BCAS3: variants seen among roughly 807,000 people sequenced by gnomAD.
BCAS3 encodes the protein BCAS4/BCAS3 fusion.
A neutral mutation model predicts 116.1 loss-of-function variants in BCAS3; 53 were observed. The ratio of observed to expected loss-of-function variants is 0.46; its 90% CI spans 0.37 to 0.57. The LOEUF (loss-of-function observed/expected upper bound fraction) is 0.57. Ranked by LOEUF, BCAS3 falls within the 20% of genes least tolerant of loss-of-function variation. The pLI is 0.00. For synonymous variants in BCAS3, 391 were observed against 408.2 expected (o/e 0.96, Z 0.51); for missense variants, 917 against 1,165.4 (o/e 0.79, Z 3.10).
In BCAS3 at chr17:61,188,035, A is replaced by G. The variant is rs1022307141; in HGVS notation, c.2425+103471A>G. On this transcript the variant is annotated intron_variant, in intron 22 of 23. Transcript: ENST00000407086. The surrounding 1 kb of genome is among the most constrained non-coding windows in gnomAD (Gnocchi z 4.0). ...TGTTAACTTTTTCTAAAATTTAAAA[A>G]TGTTCCTGTCTTTAACATTCATCTT... Among the ~76,000 whole-genome samples the G allele has an allele frequency of 6.6e-5, 10 of 152,188 alleles. No individual in the cohort carries two copies. The highest frequency in any genetic ancestry group is 8.8e-5 in the Non-Finnish European group (6 of 68,040).
intron 19 of BCAS3, chr17:61,069,946 A>T (rs1377693472): frequency 7.0e-6 from 11 of 1,566,542 alleles, no homozygotes; most frequent in African/African-American, 1.3e-5. Flanking sequence ...AAAGGCCAAG[A>T]AGGCAGTGTT....
chr17:60,903,371 C>T (rs937621145), intron 11 of BCAS3, among the ~76,000 whole-genome samples: 5 of 152,210 alleles, frequency 3.3e-5, no homozygotes, highest in African/African-American at 9.7e-5. Flanking sequence ...TGATCACAGA[C>T]GCTTACATGA....
chr17:61,139,354 G>A lies in BCAS3; in HGVS notation c.2425+54790G>A, dbSNP rs1026125996. ...AAAGATGTCTGTGATCTGGCCAAACGAGGTTCACAAATGCTGTTTTCATAT... is the reference window on the plus strand; with the variant it reads ...AAAGATGTCTGTGATCTGGCCAAACAAGGTTCACAAATGCTGTTTTCATAT... On this transcript the variant is annotated intron_variant, in intron 22 of 23. Transcript: ENST00000407086. This position sits in a 1 kb window ranked among gnomAD's most constrained non-coding sequence, Gnocchi z 4.7. Among the ~76,000 whole-genome samples the A allele has an allele frequency of 1.1e-4, 16 of 152,180 alleles. No homozygotes were observed. The highest frequency in any genetic ancestry group is 3.6e-4 in the African/African-American group (15 of 41,432).
rs532228385 is a variant in BCAS3, at chr17:61,105,678, C to T, written c.2425+21114C>T. Among the ~76,000 whole-genome samples the T allele has an allele frequency of 7.2e-5, 11 of 152,110 alleles. No individual in the cohort carries two copies. The highest frequency in any genetic ancestry group is 3.4e-3 in the Middle Eastern group (1 of 294). ...CCCACCTCAGGTGATCCACCTGCCTCGGCCTCCCAAAGTGCTGGGATTACA... is the reference window on the plus strand; with the variant it reads ...CCCACCTCAGGTGATCCACCTGCCTTGGCCTCCCAAAGTGCTGGGATTACA... On this transcript the variant is annotated intron_variant, in intron 22 of 23. Coordinates refer to ENST00000407086, the MANE Select transcript of BCAS3 (RefSeq NM_017679.5). This position sits in a 1 kb window ranked among gnomAD's most constrained non-coding sequence, Gnocchi z 4.3.
At chr17:61,042,061 G>A (rs1037550828) in intron 19 of BCAS3, among the ~76,000 whole-genome samples, 3 of 152,038 alleles carry the variant, frequency 2.0e-5, no homozygotes, top group South Asian at 2.1e-4. Context: ...CATCACAGAC[G>A]GGTGATATGT....
At chr17:61,237,150 TTCTG>T (rs1568637060) in intron 22 of BCAS3, among the ~76,000 whole-genome samples, 1 of 152,192 alleles carries the variant, frequency 6.6e-6, no homozygotes, top group Non-Finnish European at 1.5e-5. Context: ...TGGAGAACTT[TTCTG>T]TCTTACAAGA....
Position 61,065,325 on chromosome 17 carries a change from A to G in BCAS3, c.2030-9595A>G, listed in dbSNP as rs1349665113. Among the ~76,000 whole-genome samples the G allele has an allele frequency of 6.6e-6, 1 of 152,196 alleles. No homozygotes were observed. Among genetic ancestry groups the G allele is most frequent in the African/African-American group, 2.4e-5 (1 of 41,462 alleles). ...TTTAGTTTCTATACTAAGAAACTAC[A>G]TTCCCAAGCAGAATTTCATCCTTAT... On this transcript the variant is annotated intron_variant, in intron 19 of 23. Coordinates refer to ENST00000407086, the MANE Select transcript of BCAS3 (RefSeq NM_017679.5). This position sits in a 1 kb window ranked among gnomAD's most constrained non-coding sequence, Gnocchi z 4.8.
Position 61,078,549 on chromosome 17 carries a change from G to A in BCAS3, c.2327+20G>A, listed in dbSNP as rs778289026. On this transcript the variant is annotated intron_variant, in intron 21 of 23. Coordinates refer to ENST00000407086, the MANE Select transcript of BCAS3 (RefSeq NM_017679.5). Reference sequence around the variant, plus strand: ...TCTCAGGTAGGAAATGAGAATTAGGGAGTGATTTGAACAAAAGGATTAATA... The same window carrying A: ...TCTCAGGTAGGAAATGAGAATTAGGAAGTGATTTGAACAAAAGGATTAATA... The A allele has an allele frequency of 5.0e-6, 8 of 1,588,432 alleles. No individual in the cohort carries two copies. Among genetic ancestry groups the A allele is most frequent in the Middle Eastern group, 1.7e-4 (1 of 5,986 alleles).
chr17:60,692,305 G>A (rs1277358828), intron 4 of BCAS3, among the ~76,000 whole-genome samples: 2 of 151,998 alleles, frequency 1.3e-5, no homozygotes, highest in East Asian at 3.9e-4. Flanking sequence ...ACCCAGGCGC[G>A]ATCTCAGCTC....
chr17:61,238,907 ACCT>A (rs2083271034), intron 22 of BCAS3, among the ~76,000 whole-genome samples: 1 of 152,098 alleles, frequency 6.6e-6, no homozygotes, highest in Non-Finnish European at 1.5e-5. Flanking sequence ...CCTGAGGCTA[ACCT>A]CCTGTGATGG....
chr17:60,996,492 G>T (rs559472616), intron 15 of BCAS3, among the ~76,000 whole-genome samples: 3 of 152,262 alleles, frequency 2.0e-5, no homozygotes, highest in East Asian at 1.9e-4. Context: ...GAAGGATAGG[G>T]TTGGTGTCAA....
chr17:60,826,667 T>C (rs2050456825), intron 7 of BCAS3, among the ~76,000 whole-genome samples: 1 of 152,246 alleles, frequency 6.6e-6, no homozygotes, highest in Non-Finnish European at 1.5e-5. Flanking sequence ...ACCATATATT[T>C]CATGTAGCAA....
intron 14 of BCAS3, among the ~76,000 whole-genome samples, chr17:60,966,662 C>CTTT (rs754857618): frequency 7.5e-6 from 1 of 133,076 alleles, no homozygotes; most frequent in Non-Finnish European, 1.6e-5. Context: ...TATCACCCAA[C>CTTT]TTTTTTTTTT....
chr17:61,304,328 A>C (rs1783957740), intron 22 of BCAS3, among the ~76,000 whole-genome samples: 1 of 152,264 alleles, frequency 6.6e-6, no homozygotes, highest in South Asian at 2.1e-4. Context: ...CAAGCTTCTT[A>C]GCAAGGCCTG....
chr17:60,957,559 T>G (rs1484283162), intron 14 of BCAS3, among the ~76,000 whole-genome samples: 1 of 152,186 alleles, frequency 6.6e-6, no homozygotes, highest in Non-Finnish European at 1.5e-5. Flanking sequence ...AAATTCATTT[T>G]TAGAAGTGCA....
rs1258489581 is a variant in BCAS3 at position 61,343,148 on chromosome 17, AG to A, written c.2426-25175del. Among the ~76,000 whole-genome samples the A allele has an allele frequency of 6.6e-6, 1 of 152,080 alleles. No homozygotes were observed. The highest frequency in any genetic ancestry group is 1.5e-5 in the Non-Finnish European group (1 of 67,994). ...GCCACCGAGGAGGGTCAATTCGTGG[AG>A]GGGTGGCACCAAATGCCTCTATCAT... On this transcript the variant is annotated intron_variant, in intron 22 of 23. Coordinates refer to ENST00000407086, the MANE Select transcript of BCAS3 (RefSeq NM_017679.5). This position sits in a 1 kb window ranked among gnomAD's most constrained non-coding sequence, Gnocchi z 5.5.
At chr17:60,929,320 T>C (rs1439058411) in intron 13 of BCAS3, among the ~76,000 whole-genome samples, 4 of 151,972 alleles carry the variant, frequency 2.6e-5, no homozygotes, top group East Asian at 3.9e-4. Flanking sequence ...AGCTACTTAA[T>C]TGGGAGGCTG....
At position 61,227,069 on chromosome 17, in the gene BCAS3, C is replaced by A. The variant is rs2082407435; in HGVS notation, c.2426-141258C>A. Among the ~76,000 whole-genome samples, 1 of 152,118 alleles carries A rather than the reference C, an allele frequency of 6.6e-6. No individual in the cohort carries two copies. The highest frequency in any genetic ancestry group is 1.5e-5 in the Non-Finnish European group (1 of 68,026). On this transcript the variant is annotated intron_variant, in intron 22 of 23. Coordinates refer to ENST00000407086, the MANE Select transcript of BCAS3 (RefSeq NM_017679.5). The surrounding 1 kb of genome is among the most constrained non-coding windows in gnomAD (Gnocchi z 6.1). The stretch of plus-strand genomic sequence containing the variant: ...ATGAGGTGGTTAACTGTGTGCAACG[C>A]CCCTTTCCCATAGGTTATGGTTACT...
chr17:60,816,763 G>A (rs567909769), intron 7 of BCAS3, among the ~76,000 whole-genome samples: 2 of 152,282 alleles, frequency 1.3e-5, no homozygotes, highest in South Asian at 4.1e-4. Context: ...TGTTATGTCT[G>A]AAGAACAAAG....
Sources: allele counts gnomAD v4.1 joint callset (sites outside exome capture counted in the v4.1 genomes callset), GRCh38; gene constraint gnomAD v4.1.1; non-coding constraint Gnocchi (gnomAD v3.1); transcripts MANE v1.5; gene names NCBI Gene and HGNC (gene_info 2026-07-23, HGNC 2026-07-21).